The following PCDHGA12 variants were observed in gnomAD, a reference collection of about 807,000 sequenced individuals.
PCDHGA12 encodes protocadherin gamma-A12.
In PCDHGA12, 43 loss-of-function variants were observed where a neutral mutation model predicts 61.1. The ratio of observed to expected loss-of-function variants is 0.70; its 90% CI spans 0.55 to 0.91. The LOEUF (loss-of-function observed/expected upper bound fraction) is 0.91. Among genes scored for constraint, PCDHGA12 ranks in the 40% least tolerant of loss-of-function variants. PCDHGA12 has a pLI of 0.00. For synonymous variants in PCDHGA12, 520 were observed against 542.9 expected (o/e 0.96, Z 0.59); for missense variants, 1,236 against 1,227.7 (o/e 1.01, Z -0.10).
chr5:141,459,503 A>T (rs1346447458), intron 1 of PCDHGA12, among the ~76,000 whole-genome samples: 1 of 152,242 alleles, frequency 6.6e-6, no homozygotes, highest in Non-Finnish European at 1.5e-5. Flanking sequence ...AGTGATGTGA[A>T]CAATCATGTA....
intron 1 of PCDHGA12, among the ~76,000 whole-genome samples, chr5:141,450,726 A>G (rs1302961852): frequency 2.0e-5 from 3 of 151,932 alleles, no homozygotes; most frequent in Admixed American, 2.0e-4. Flanking sequence ...ACCTCAGGTG[A>G]TCCGCCCGCC....
intron 1 of PCDHGA12, among the ~76,000 whole-genome samples, chr5:141,438,564 T>A (rs1192918137): frequency 1.5e-5 from 2 of 137,114 alleles, no homozygotes; most frequent in Non-Finnish European, 3.1e-5. Flanking sequence ...AAGAGGCAGC[T>A]GTCTGATATA....
At chr5:141,506,278 G>A (rs1001662623) in intron 3 of PCDHGA12, among the ~76,000 whole-genome samples, 1 of 152,090 alleles carries the variant, frequency 6.6e-6, no homozygotes. Flanking sequence ...GTGAAACCCT[G>A]TCTCTACTAA....
At chr5:141,510,898 T>C in intron 3 of PCDHGA12, 49 bp from the exon 4 acceptor site, 1 of 1,613,278 alleles carries the variant, frequency 6.2e-7, no homozygotes, top group Non-Finnish European at 8.5e-7. Context: ...ACAGTGACTG[T>C]TGAGGACCCT....
intron 1 of PCDHGA12, among the ~76,000 whole-genome samples, chr5:141,443,832 A>G (rs2098407108): frequency 6.6e-6 from 1 of 152,224 alleles, no homozygotes; most frequent in African/African-American, 2.4e-5. Context: ...ATTAGGTAAA[A>G]TGGGTAATAT....
rs951185891 is a variant in PCDHGA12, at chr5:141,494,814, C to T, written c.2432C>T (p.Pro811Leu). 7 of 1,614,152 alleles carry T rather than the reference C, an allele frequency of 4.3e-6. No individual in the cohort carries two copies. The highest frequency in any genetic ancestry group is 1.7e-5 in the Admixed American group (1 of 60,024). Residue 811 changes from proline to leucine, a missense_variant, in exon 2 of 4, where the codon CCG becomes CTG. By Grantham distance (98) the Pro-to-Leu change is moderately conservative (BLOSUM62 -3). Transcript: ENST00000252085. The part of the protein sequence containing the change: ...KDSHGLIEQA[P>L]PNTDWRFSQA... ...CCTCTGTTTTCTCCACAGCAAGCCCCGCCCAACACGGACTGGCGTTTCTCT... is the reference window on the plus strand; with the variant it reads ...CCTCTGTTTTCTCCACAGCAAGCCCTGCCCAACACGGACTGGCGTTTCTCT...
chr5:141,438,895 A>C (rs2098073582), intron 1 of PCDHGA12, among the ~76,000 whole-genome samples: 1 of 151,640 alleles, frequency 6.6e-6, no homozygotes, highest in Non-Finnish European at 1.5e-5. Flanking sequence ...TGAACTCCTG[A>C]CCTCAGGTGA....
chr5:141,463,266 T>G (rs933899476), intron 1 of PCDHGA12, among the ~76,000 whole-genome samples: 16 of 151,982 alleles, frequency 1.1e-4, no homozygotes, highest in African/African-American at 3.6e-4. Context: ...CTCTATCCCA[T>G]AAATTCTGGC....
chr5:141,491,136 G>A lies in PCDHGA12; in HGVS notation c.2425-3671G>A, dbSNP rs769904518. On this transcript the variant is annotated intron_variant, in intron 1 of 3. Coordinates refer to ENST00000252085, the MANE Select transcript of PCDHGA12 (RefSeq NM_003735.3). This position sits in a 1 kb window ranked among gnomAD's most constrained non-coding sequence, Gnocchi z 6.9. ...ACACTGGTGAGGTGCGCACAGCCCG[G>A]GCCTTACTGGAGGATGACTCTGACA... The A allele has an allele frequency of 2.4e-5, 38 of 1,614,030 alleles. 1 individual carries two copies. The South Asian group carries it at 4.1e-4, about 17-fold the overall frequency.
At chr5:141,461,799 G>T (rs1025237561) in intron 1 of PCDHGA12, among the ~76,000 whole-genome samples, 5 of 151,188 alleles carry the variant, frequency 3.3e-5, no homozygotes, top group Admixed American at 1.3e-4. Context: ...GATTACAGGT[G>T]CCCACCACCA....
Position 141,491,895 on chromosome 5 carries a change from A to G in PCDHGA12, c.2425-2912A>G. On this transcript the variant is annotated intron_variant, in intron 1 of 3. Transcript: ENST00000252085. This position sits in a 1 kb window ranked among gnomAD's most constrained non-coding sequence, Gnocchi z 6.9. Reference sequence around the variant, plus strand: ...CCGATTAAGGGATGGGGCTCCGAGCACCGGGGGTGGTGGCGACTGTGGGCG... The same window carrying G: ...CCGATTAAGGGATGGGGCTCCGAGCGCCGGGGGTGGTGGCGACTGTGGGCG... 7.0e-7 allele frequency: 1 copy of G among 1,434,306 alleles called. No homozygotes were observed. The highest frequency in any genetic ancestry group is 9.2e-7 in the Non-Finnish European group (1 of 1,084,904). 88.8% of individuals were successfully genotyped at this position (1,434,306 alleles called of 1,614,324 possible). A position where few individuals can be genotyped will look rare whatever the true frequency, so the allele number is the denominator to read the frequency against.
intron 1 of PCDHGA12, chr5:141,441,470 C>G (rs1170727138): frequency 5.9e-6 from 1 of 168,868 alleles, no homozygotes; most frequent in East Asian, 1.9e-4. Context: ...ATTGGCGATG[C>G]CAACGACAAT....
chr5:141,495,810 C>T (rs1003475681), intron 2 of PCDHGA12, among the ~76,000 whole-genome samples: 1 of 152,088 alleles, frequency 6.6e-6, no homozygotes, highest in Non-Finnish European at 1.5e-5. Context: ...CGTTTCCTAG[C>T]GCCTTGTGTT....
chr5:141,468,419 G>A (rs1733006381), intron 1 of PCDHGA12: 1 of 151,826 alleles, frequency 6.6e-6, no homozygotes, highest in Admixed American at 6.6e-5. Flanking sequence ...AAGTTAGATA[G>A]CAAGGTAATA....
At position 141,432,651 on chromosome 5, in the gene PCDHGA12, C is replaced by A; in HGVS notation, c.1892C>A (p.Ala631Asp). 2.5e-6 allele frequency: 4 copies of A among 1,613,824 alleles called. No individual in the cohort carries two copies. The highest frequency in any genetic ancestry group is 1.1e-5 in the South Asian group (1 of 91,058). The part of the protein sequence containing the change: ...LHTGEVRTAR[A>D]LLDRDALKQS... ...ACGGGCGAGGTGCGCACGGCGCGAG[C>A]CCTGCTGGACAGAGACGCGCTCAAG... Residue 631 changes from alanine to aspartate, a missense_variant, in exon 1 of 4, where the codon GCC (alanine) becomes GAC (aspartate). Coordinates refer to ENST00000252085, the MANE Select transcript of PCDHGA12 (RefSeq NM_003735.3). This position sits in a 1 kb window ranked among gnomAD's most constrained non-coding sequence, Gnocchi z 6.0.
chr5:141,488,815 T>A (rs769851687), intron 1 of PCDHGA12, among the ~76,000 whole-genome samples: 30 of 152,144 alleles, frequency 2.0e-4, no homozygotes, highest in Non-Finnish European at 4.1e-4. Context: ...ATCTGAGCTG[T>A]CAAACTTTGC....
rs542248328 is a variant in PCDHGA12, at chr5:141,432,682, C to T, written c.1923C>T (p.Ser641=). ...TGGACAGAGACGCGCTCAAGCAGAG[C>T]CTCGTAGTGGCCGTCCAGGACCACG... ...ALLDRDALKQ[S]LVVAVQDHGQ... The change falls in exon 1 of 4, where the codon AGC becomes AGT. Residue 641 remains serine (S), a synonymous_variant. Coordinates refer to ENST00000252085, the MANE Select transcript of PCDHGA12 (RefSeq NM_003735.3). This position sits in a 1 kb window ranked among gnomAD's most constrained non-coding sequence, Gnocchi z 6.0. The T allele has an allele frequency of 6.5e-5, 105 of 1,613,976 alleles. No homozygotes were observed. In the African/African-American group the frequency reaches 1.1e-3, roughly 17 times the overall value.
At position 141,431,636 on chromosome 5, in the gene PCDHGA12, A is replaced by C; in HGVS notation, c.877A>C (p.Lys293Gln). 1 of 1,614,254 alleles carries C rather than the reference A, an allele frequency of 6.2e-7. No individual in the cohort carries two copies. Residue 293 changes from lysine to glutamine, a missense_variant, in exon 1 of 4, where the codon AAA becomes CAA. By Grantham distance (53) the Lys-to-Gln change is moderately conservative (BLOSUM62 1). Transcript: ENST00000252085. This position sits in a 1 kb window ranked among gnomAD's most constrained non-coding sequence, Gnocchi z 4.8. ...GGACGACAAGGCGGCCCAAGTTTTC[A>C]AACTAGATTGTAATTCAGGGACAAT... is the stretch of plus-strand genomic sequence containing the variant. ...YVDDKAAQVF[K>Q]LDCNSGTIST...
rs1418118305 is a variant in PCDHGA12 at position 141,433,049 on chromosome 5, C to A, written c.2290C>A (p.Arg764=). The part of the protein sequence containing the change: ...SHEVSLTTDS[R]KSHLIFPQPN... Reference sequence around the variant, plus strand: ...CGAGGTTTCCCTCACCACGGACTCGCGGAAGAGTCACCTGATCTTCCCCCA... The same window carrying A: ...CGAGGTTTCCCTCACCACGGACTCGAGGAAGAGTCACCTGATCTTCCCCCA... Residue 764 remains arginine, a synonymous_variant, in exon 1 of 4, where the codon CGG becomes AGG. Transcript: ENST00000252085. 1 of 1,614,110 alleles carries A rather than the reference C, an allele frequency of 6.2e-7. No homozygotes were observed. The highest frequency in any genetic ancestry group is 1.7e-5 in the Admixed American group (1 of 60,022).
Sources: gnomAD v4.1 joint callset for allele counts (sites outside exome capture counted in the v4.1 genomes callset) on GRCh38, gnomAD v4.1.1 for gene constraint, Gnocchi (gnomAD v3.1) non-coding constraint, MANE v1.5 for transcripts, NCBI Gene and HGNC (gene_info 2026-07-23, HGNC 2026-07-21) for gene names.